Variants in MCC observed in about 807,000 individuals in gnomAD.
MCC encodes the protein MCC regulator of Wnt signaling pathway, also known as colorectal mutant cancer protein.
A neutral mutation model predicts 116.2 loss-of-function variants in MCC; 90 were observed. The ratio of observed to expected loss-of-function variants is 0.77; its 90% confidence interval spans 0.65 to 0.92. MCC has a LOEUF of 0.92. MCC is among the 40% of genes least tolerant of loss of function. MCC has a pLI of 0.00. For missense variants in MCC, 1,516 were observed against 1,312.2 expected, an observed-to-expected ratio of 1.16 and a Z score of -2.40; for synonymous variants, 578 against 510.5, an observed-to-expected ratio of 1.13 and a Z score of -1.78.
intron 11 of MCC, among the ~76,000 whole-genome samples, chr5:113,075,785 C>T (rs552830522): frequency 6.6e-6 from 1 of 152,336 alleles, no homozygotes; most frequent in South Asian, 2.1e-4. Flanking sequence ...TTCTCTTGCT[C>T]TTCACAATAA....
chr5:113,298,678 G>A (rs1766771413), intron 3 of MCC, among the ~76,000 whole-genome samples: 1 of 152,152 alleles, frequency 6.6e-6, no homozygotes, highest in East Asian at 1.9e-4. Context: ...ATTAGCTTTG[G>A]AGTAGGCTTG....
intron 17 of MCC, among the ~76,000 whole-genome samples, chr5:113,030,457 T>A (rs1030254789): frequency 2.0e-5 from 3 of 152,112 alleles, no homozygotes; most frequent in Non-Finnish European, 2.9e-5. Flanking sequence ...GGAATGTGGA[T>A]TACTTGAGCT....
At chr5:113,245,380 C>A (rs906191080) in intron 3 of MCC, among the ~76,000 whole-genome samples, 4 of 151,730 alleles carry the variant, frequency 2.6e-5, no homozygotes, top group Admixed American at 1.3e-4. Flanking sequence ...TATGTCCTCT[C>A]TCTTGTGTTC....
At chr5:113,138,855 A>T (rs970371705) in intron 5 of MCC, among the ~76,000 whole-genome samples, 8 of 152,238 alleles carry the variant, frequency 5.3e-5, no homozygotes, top group African/African-American at 1.7e-4. Flanking sequence ...AGTTTACTGT[A>T]CTCACTTGTG....
intron 1 of MCC, among the ~76,000 whole-genome samples, chr5:113,441,873 T>G (rs26986): frequency 0.095 from 14,443 of 152,228 alleles, 996 homozygotes; most frequent in Non-Finnish European, 0.12. Context: ...TGGTGCCACA[T>G]TTTCTTTATC....
At chr5:113,061,206 A>G (rs1753194340) in intron 14 of MCC, among the ~76,000 whole-genome samples, 1 of 152,166 alleles carries the variant, frequency 6.6e-6, no homozygotes, top group Non-Finnish European at 1.5e-5. Flanking sequence ...CAAGGCTGCA[A>G]CCACCATTCT....
intron 3 of MCC, among the ~76,000 whole-genome samples, chr5:113,183,099 C>T (rs1302621499): frequency 6.6e-6 from 1 of 152,126 alleles, no homozygotes; most frequent in Admixed American, 6.5e-5. Context: ...GGATTTATAC[C>T]AGGTCCGTGG....
intron 1 of MCC, among the ~76,000 whole-genome samples, chr5:113,402,611 T>C (rs1318428483): frequency 6.6e-6 from 1 of 152,242 alleles, no homozygotes; most frequent in Non-Finnish European, 1.5e-5. Flanking sequence ...TTACACTTTT[T>C]TAAGGGTTAA....
intron 6 of MCC, among the ~76,000 whole-genome samples, chr5:113,121,950 G>C (rs1757758290): frequency 1.3e-5 from 2 of 152,176 alleles, no homozygotes; most frequent in Admixed American, 1.3e-4. Flanking sequence ...AAGACCAGTA[G>C]TTTTGTAACA....
At chr5:113,222,401 A>AT (rs1561467738) in intron 3 of MCC, among the ~76,000 whole-genome samples, 1 of 152,144 alleles carries the variant, frequency 6.6e-6, no homozygotes, top group Non-Finnish European at 1.5e-5. Flanking sequence ...ACATTTTCTG[A>AT]TTTTGGCATT....
chr5:113,136,248 G>C (rs1379515363), intron 5 of MCC, among the ~76,000 whole-genome samples: 1 of 152,158 alleles, frequency 6.6e-6, no homozygotes, highest in Non-Finnish European at 1.5e-5. Flanking sequence ...CATCTCAGCT[G>C]GTTAGAATTC....
chr5:113,210,886 T>C (rs1763111183), intron 3 of MCC, among the ~76,000 whole-genome samples: 2 of 152,230 alleles, frequency 1.3e-5, no homozygotes, highest in South Asian at 4.1e-4. Flanking sequence ...ACTTGAAAGA[T>C]GCTTATCAGA....
chr5:113,101,238 A>G (rs111715574), intron 8 of MCC, among the ~76,000 whole-genome samples: 3,167 of 152,214 alleles, frequency 0.021, 95 homozygotes, highest in African/African-American at 0.064. Context: ...ATATGCACAC[A>G]ATGTACAAGA....
intron 3 of MCC, among the ~76,000 whole-genome samples, chr5:113,226,943 G>A (rs1220358588): frequency 2.0e-5 from 3 of 152,092 alleles, no homozygotes; most frequent in Non-Finnish European, 4.4e-5. Flanking sequence ...TGAAAATAGG[G>A]ATAACTATAC....
intron 6 of MCC, among the ~76,000 whole-genome samples, chr5:113,110,967 C>T (rs1392754635): frequency 2.0e-5 from 3 of 152,212 alleles, no homozygotes; most frequent in Admixed American, 6.5e-5. Context: ...TCAGCACGCC[C>T]AACCCACAGT....
chr5:113,240,920 C>T (rs995960854), intron 3 of MCC, among the ~76,000 whole-genome samples: 6 of 152,290 alleles, frequency 3.9e-5, no homozygotes, highest in East Asian at 1.9e-4. Flanking sequence ...CAGAGCATCA[C>T]GGAGTCAGGT....
intron 3 of MCC, among the ~76,000 whole-genome samples, chr5:113,276,934 T>G (rs1472183444): frequency 1.3e-5 from 2 of 151,422 alleles, no homozygotes; most frequent in African/African-American, 4.9e-5. Context: ...CCATTGCACC[T>G]GGCCAAAAGG....
chr5:113,038,108 C>G (rs914860166), intron 17 of MCC, among the ~76,000 whole-genome samples: 2 of 151,990 alleles, frequency 1.3e-5, no homozygotes, highest in Non-Finnish European at 2.9e-5. Flanking sequence ...GACCTGCTGA[C>G]GAGAGGTAGG....
intron 6 of MCC, among the ~76,000 whole-genome samples, chr5:113,108,470 T>C (rs923616015): frequency 5.5e-5 from 8 of 146,624 alleles, no homozygotes; most frequent in Non-Finnish European, 1.2e-4. Flanking sequence ...CTGACCAACA[T>C]AGTGAAACCC....
Sources: allele counts gnomAD v4.1 joint callset (sites outside exome capture counted in the v4.1 genomes callset), GRCh38; gene constraint gnomAD v4.1.1; transcripts MANE v1.5; gene names NCBI Gene and HGNC (gene_info 2026-07-23, HGNC 2026-07-21).